METTL24: variants seen among roughly 807,000 people sequenced by gnomAD.
METTL24 encodes probable methyltransferase-like protein 24.
A neutral mutation model predicts 32.7 loss-of-function variants in METTL24; 29 were observed. The observed-to-expected ratio is 0.89, with a 90% CI of 0.66 to 1.21. The LOEUF (loss-of-function observed/expected upper bound fraction) is 1.21. Among genes scored for constraint, METTL24 ranks in the 50% most tolerant of loss-of-function variants. METTL24 has a pLI of 0.00. For missense variants in METTL24, 439 were observed against 468.1 expected (o/e 0.94, Z 0.57); for synonymous variants, 163 against 179.5 (o/e 0.91, Z 0.73).
intron 4 of METTL24, among the ~76,000 whole-genome samples, chr6:110,260,127 C>T (rs554838130): frequency 1.5e-4 from 23 of 152,286 alleles, no homozygotes; most frequent in African/African-American, 4.6e-4. Context: ...ATGACTTTGA[C>T]GAGCTGAGAG....
At chr6:110,306,829 C>T (rs1229528252) in intron 3 of METTL24, among the ~76,000 whole-genome samples, 1 of 152,130 alleles carries the variant, frequency 6.6e-6, no homozygotes, top group Non-Finnish European at 1.5e-5. Flanking sequence ...CAAATCCAAT[C>T]CAGGTAGATC....
At position 110,353,588 on chromosome 6, in the gene METTL24, A is replaced by G. The variant is rs543808043; in HGVS notation, c.318+4367T>C. Among the ~76,000 whole-genome samples, 20 of 149,398 alleles carry G rather than the reference A, an allele frequency of 1.3e-4. No homozygotes were observed. The East Asian group carries it at 3.7e-3, about 28-fold the overall frequency. On this transcript the variant is annotated intron_variant, in intron 1 of 4. Transcript: ENST00000338882. ...TTTTTTCCGCCTGACACATGGTTCC[A>G]AAAGATCTGTAACTAACGAACCAAG...
chr6:110,333,672 C>T (rs1247311581), intron 1 of METTL24, among the ~76,000 whole-genome samples: 1 of 152,116 alleles, frequency 6.6e-6, no homozygotes, highest in African/African-American at 2.4e-5. Context: ...AAGCTCGTGA[C>T]CTCAAATGAC....
At chr6:110,338,860 C>G (rs1205266089) in intron 1 of METTL24, among the ~76,000 whole-genome samples, 1 of 152,102 alleles carries the variant, frequency 6.6e-6, no homozygotes, top group Admixed American at 6.5e-5. Context: ...TTGTATGTAA[C>G]CTTGCAACTA....
At position 110,245,219 on chromosome 6, in the gene METTL24, A is replaced by G. The variant is rs1319327779; in HGVS notation, c.*727T>C. 6.6e-6 allele frequency among the ~76,000 whole-genome samples: 1 copy of G among 152,236 alleles called. No homozygotes were observed. Among genetic ancestry groups the G allele is most frequent in the African/African-American group, 2.4e-5 (1 of 41,468 alleles). ...CATTCAACCAGTTGAAGGCCTGAATAGAACCTAAGGCAGTAAGGAAGAATT... is the reference window on the plus strand; with the variant it reads ...CATTCAACCAGTTGAAGGCCTGAATGGAACCTAAGGCAGTAAGGAAGAATT... On this transcript the variant is annotated 3_prime_UTR_variant, in exon 5 of 5. Coordinates refer to ENST00000338882, the MANE Select transcript of METTL24 (RefSeq NM_001123364.3).
At chr6:110,257,985 G>A (rs1350417083) in intron 4 of METTL24, among the ~76,000 whole-genome samples, 1 of 152,150 alleles carries the variant, frequency 6.6e-6, no homozygotes, top group Non-Finnish European at 1.5e-5. Flanking sequence ...GGTGGCTGGG[G>A]CCTTGACTCT....
intron 4 of METTL24, among the ~76,000 whole-genome samples, chr6:110,251,464 TAAAGA>T: frequency 6.6e-6 from 1 of 152,278 alleles, no homozygotes; most frequent in African/African-American, 2.4e-5. Context: ...AGATGACTAA[TAAAGA>T]AAATAATAAA....
rs1582396516 is a variant in METTL24 at position 110,276,966 on chromosome 6, C to T, written c.786+21956G>A. 2.0e-5 allele frequency among the ~76,000 whole-genome samples: 3 copies of T among 152,316 alleles called. No individual in the cohort carries two copies. In the East Asian group the frequency reaches 5.8e-4, roughly 29 times the overall value. On this transcript the variant is annotated intron_variant, in intron 4 of 4. Transcript: ENST00000338882. ...TGGGGGAACCACATAGAAGCTGCCA[C>T]ACCCAAATAGATGGCACTTGGCACT...
chr6:110,307,683 T>C (rs1314386445), intron 3 of METTL24, among the ~76,000 whole-genome samples: 1 of 152,158 alleles, frequency 6.6e-6, no homozygotes, highest in Admixed American at 6.5e-5. Context: ...ATCAGAAAGG[T>C]GGCCATGCGC....
chr6:110,322,933 G>C, intron 1 of METTL24, 61 bp from the exon 2 acceptor site: 1 of 1,365,342 alleles, frequency 7.3e-7, no homozygotes, highest in Non-Finnish European at 1.0e-6. Flanking sequence ...GGAGGAGAAG[G>C]ACACAGTATC....
At chr6:110,303,960 A>G (rs1771584275) in intron 3 of METTL24, among the ~76,000 whole-genome samples, 2 of 152,210 alleles carry the variant, frequency 1.3e-5, no homozygotes, top group Admixed American at 6.5e-5. Context: ...CAAATCTTCT[A>G]GAGGAAGGAG....
Position 110,271,985 on chromosome 6 carries a change from A to G in METTL24, c.787-25725T>C, listed in dbSNP as rs1582393286. Among the ~76,000 whole-genome samples, 2 of 152,114 alleles carry G rather than the reference A, an allele frequency of 1.3e-5. 1 individual carries two copies. Among genetic ancestry groups the G allele is most frequent in the East Asian group, 3.9e-4 (2 of 5,136 alleles). On this transcript the variant is annotated intron_variant, in intron 4 of 4. Coordinates refer to ENST00000338882, the MANE Select transcript of METTL24 (RefSeq NM_001123364.3). Reference sequence around the variant, plus strand: ...CCTTTAAAAATAAATCATTCAACAGAGCTTTATTATTATTATTTTATTTCA... The same window carrying G: ...CCTTTAAAAATAAATCATTCAACAGGGCTTTATTATTATTATTTTATTTCA...
intron 4 of METTL24, among the ~76,000 whole-genome samples, chr6:110,287,052 T>G (rs915609509): frequency 2.0e-5 from 3 of 152,190 alleles, no homozygotes; most frequent in Admixed American, 2.0e-4. Flanking sequence ...TGGAGAACTC[T>G]AATACAACAG....
intron 4 of METTL24, among the ~76,000 whole-genome samples, chr6:110,263,715 A>C (rs1770798253): frequency 6.6e-6 from 1 of 152,212 alleles, no homozygotes; most frequent in Non-Finnish European, 1.5e-5. Context: ...ACCTGACTTC[A>C]AACTATACTA....
intron 4 of METTL24, among the ~76,000 whole-genome samples, chr6:110,260,801 G>A (rs2114699330): frequency 6.6e-6 from 1 of 152,252 alleles, no homozygotes; most frequent in South Asian, 2.1e-4. Flanking sequence ...AAAAGAGTGG[G>A]GGCCAATATT....
chr6:110,351,032 C>T (rs564129473), intron 1 of METTL24, among the ~76,000 whole-genome samples: 4 of 151,894 alleles, frequency 2.6e-5, no homozygotes, highest in Non-Finnish European at 4.4e-5. Context: ...CACTTGAACC[C>T]GGGAGGCGGA....
intron 2 of METTL24, among the ~76,000 whole-genome samples, chr6:110,321,195 C>T (rs1025673572): frequency 6.6e-6 from 1 of 152,086 alleles, no homozygotes; most frequent in Non-Finnish European, 1.5e-5. Flanking sequence ...TGAGATTGTG[C>T]CACTGAACTC....
intron 3 of METTL24, among the ~76,000 whole-genome samples, chr6:110,313,817 T>A (rs1356026044): frequency 2.0e-5 from 3 of 152,190 alleles, no homozygotes; most frequent in African/African-American, 7.2e-5. Context: ...CATCACAGCA[T>A]AACCAGCTTC....
At chr6:110,279,003 A>G (rs1295849467) in intron 4 of METTL24, among the ~76,000 whole-genome samples, 1 of 151,742 alleles carries the variant, frequency 6.6e-6, no homozygotes, top group Admixed American at 6.5e-5. Flanking sequence ...CCTGGGAAAC[A>G]GTGATGTTCC....
Sources: gnomAD v4.1 joint callset for allele counts (sites outside exome capture counted in the v4.1 genomes callset) on GRCh38, gnomAD v4.1.1 for gene constraint, MANE v1.5 for transcripts, NCBI Gene and HGNC (gene_info 2026-07-23, HGNC 2026-07-21) for gene names.